Variants in FANCC observed in about 807,000 individuals in gnomAD.
FANCC encodes FA complementation group C.
A neutral mutation model predicts 71.3 loss-of-function variants in FANCC; 55 were observed. The ratio of observed to expected loss-of-function variants is 0.77; its 90% confidence interval spans 0.62 to 0.97. The LOEUF (loss-of-function observed/expected upper bound fraction) is 0.97, where lower values mean the gene tolerates loss of function less well. Among genes scored for constraint, FANCC ranks in the 50% least tolerant of loss-of-function variants. FANCC has a pLI of 0.00. For synonymous variants in FANCC, 275 were observed against 244.9 expected (o/e 1.12, Z -1.15); for missense variants, 678 against 670.9 (o/e 1.01, Z -0.12).
rs201407189 is a variant in FANCC at position 95,125,109 on chromosome 9, C to T, written c.973G>A (p.Ala325Thr). The T allele has an allele frequency of 2.6e-4, 419 of 1,614,180 alleles. 3 individuals are homozygous for T. In the East Asian group the frequency reaches 7.7e-3, roughly 30 times the overall value. Reference protein sequence around the residue: ...IQVFTQCFVEALEKASKQLRF... With the variant: ...IQVFTQCFVETLEKASKQLRF... ...ACCTGCTTGCTTGCTTTCTCCAGAG[C>T]TTCTACAAAGCACTGCGTAAACACC... Residue 325 changes from alanine (A) to threonine (T), a missense_variant, in exon 10 of 15, where the codon GCT (alanine) becomes ACT (threonine). Physicochemically the swap from Ala to Thr is moderately conservative, Grantham distance 58 (BLOSUM62 0). Transcript: ENST00000289081.
intron 4 of FANCC, among the ~76,000 whole-genome samples, chr9:95,205,895 G>A (rs977651184): frequency 6.6e-5 from 10 of 151,960 alleles, no homozygotes; most frequent in East Asian, 1.9e-4. Flanking sequence ...GGAAACAAGC[G>A]GTAAAAGTTA....
At chr9:95,110,552 T>A in intron 13 of FANCC, 1 of 1,032,292 alleles carries the variant, frequency 9.7e-7, no homozygotes. Flanking sequence ...CAAAATAAAT[T>A]ATCACCAAAT....
intron 13 of FANCC, chr9:95,110,504 G>T: frequency 9.7e-7 from 1 of 1,030,274 alleles, no homozygotes. Flanking sequence ...AAATACATAC[G>T]TGGGTTATAA....
intron 1 of FANCC, among the ~76,000 whole-genome samples, chr9:95,298,187 G>C (rs186019234): frequency 6.6e-6 from 1 of 152,230 alleles, no homozygotes; most frequent in Non-Finnish European, 1.5e-5. Context: ...GCTTATCAGG[G>C]AGAACACATA....
At chr9:95,128,097 G>A (rs1213860249) in intron 8 of FANCC, among the ~76,000 whole-genome samples, 13 of 152,150 alleles carry the variant, frequency 8.5e-5, no homozygotes, top group Admixed American at 3.3e-4. Flanking sequence ...AGGTTATTTC[G>A]TGGCTTCGAA....
intron 7 of FANCC, among the ~76,000 whole-genome samples, chr9:95,144,749 T>G (rs1477655349): frequency 6.6e-6 from 1 of 152,112 alleles, no homozygotes; most frequent in Non-Finnish European, 1.5e-5. Context: ...TTTTGAAAAA[T>G]CGCCGTGGAG....
chr9:95,171,257 T>C (rs181130494), intron 5 of FANCC, 114 bp from the exon 6 acceptor site: 5 of 784,246 alleles, frequency 6.4e-6, no homozygotes, highest in Non-Finnish European at 1.1e-5. Context: ...CCCCATCTTC[T>C]CATGTTTCAC....
intron 4 of FANCC, among the ~76,000 whole-genome samples, chr9:95,237,549 G>T (rs1335383012): frequency 6.6e-6 from 1 of 152,242 alleles, no homozygotes; most frequent in East Asian, 1.9e-4. Context: ...GCGGCCGCCT[G>T]CCACATGTGG....
At chr9:95,239,033 G>A (rs1055696978) in intron 4 of FANCC, among the ~76,000 whole-genome samples, 3 of 152,098 alleles carry the variant, frequency 2.0e-5, no homozygotes, top group Admixed American at 6.6e-5. Flanking sequence ...CCCTGAATAC[G>A]TTTGCTTTCT....
At chr9:95,250,977 T>C (rs1417620074) in intron 1 of FANCC, among the ~76,000 whole-genome samples, 1 of 152,204 alleles carries the variant, frequency 6.6e-6, no homozygotes, top group African/African-American at 2.4e-5. Context: ...TTGAAGACCC[T>C]GCAAAACATG....
chr9:95,292,833 T>C lies in FANCC; in HGVS notation c.-79+24693A>G, dbSNP rs377609319. On this transcript the variant is annotated intron_variant, in intron 1 of 14. Coordinates refer to ENST00000289081, the MANE Select transcript of FANCC (RefSeq NM_000136.3). ...AATCCATGCTGAGAAGAAGCACAAATGTAGCAAGTGCAGCAATTCGTACGG... is the reference window on the plus strand; with the variant it reads ...AATCCATGCTGAGAAGAAGCACAAACGTAGCAAGTGCAGCAATTCGTACGG... 85 of 1,584,390 alleles carry C rather than the reference T, an allele frequency of 5.4e-5. 1 individual carries two copies. The South Asian group carries it at 5.4e-4, about 10-fold the overall frequency.
rs1371672808 is a variant in FANCC, at chr9:95,101,206, T to C, written c.*501A>G. The C allele has an allele frequency of 7.8e-6, 2 of 256,070 alleles. No homozygotes were observed. The highest frequency in any genetic ancestry group is 1.5e-5 in the Non-Finnish European group (2 of 130,496). The allele number at this position is 256,070 out of a possible 1,614,324, so 15.9% of individuals were successfully genotyped here. On this transcript the variant is annotated 3_prime_UTR_variant, in exon 15 of 15. Coordinates refer to ENST00000289081, the MANE Select transcript of FANCC (RefSeq NM_000136.3). ...GACACAAGGGAAGCCTGAGGGACCCTGACTCCCCTTGAAGAATTTCTCCAT... is the reference window on the plus strand; with the variant it reads ...GACACAAGGGAAGCCTGAGGGACCCCGACTCCCCTTGAAGAATTTCTCCAT...
At chr9:95,189,533 G>T (rs1258881019) in intron 4 of FANCC, among the ~76,000 whole-genome samples, 1 of 152,094 alleles carries the variant, frequency 6.6e-6, no homozygotes, top group South Asian at 2.1e-4. Flanking sequence ...AGTTCCGGGG[G>T]GGGAAATAGA....
At chr9:95,285,116 CAT>C (rs1269581278) in intron 1 of FANCC, among the ~76,000 whole-genome samples, 1 of 151,768 alleles carries the variant, frequency 6.6e-6, no homozygotes, top group Non-Finnish European at 1.5e-5. Context: ...AAACCATAGA[CAT>C]GTAATAAATA....
chr9:95,125,604 C>T (rs1763273270), intron 9 of FANCC, among the ~76,000 whole-genome samples: 1 of 152,188 alleles, frequency 6.6e-6, no homozygotes, highest in African/African-American at 2.4e-5. Context: ...CCTGGTTTCG[C>T]TTCCATGCAT....
intron 1 of FANCC, among the ~76,000 whole-genome samples, chr9:95,311,392 TGAC>T (rs887961729): frequency 2.6e-5 from 4 of 151,766 alleles, no homozygotes; most frequent in African/African-American, 9.7e-5. Context: ...AAAAACAAAA[TGAC>T]AACAAAAAGG....
At chr9:95,119,203 A>G (rs375977328) in intron 10 of FANCC, among the ~76,000 whole-genome samples, 39 of 152,348 alleles carry the variant, frequency 2.6e-4, no homozygotes, top group African/African-American at 9.1e-4. Context: ...CTTTTTTGAA[A>G]GTATATATTC....
intron 1 of FANCC, among the ~76,000 whole-genome samples, chr9:95,307,416 T>C (rs918601613): frequency 6.6e-6 from 1 of 152,166 alleles, no homozygotes; most frequent in African/African-American, 2.4e-5. Context: ...TTATAAAGGG[T>C]ATACAGTATC....
intron 4 of FANCC, 140 bp from the exon 5 acceptor site, chr9:95,172,287 C>A (rs1449132533): frequency 1.6e-6 from 1 of 606,498 alleles, no homozygotes; most frequent in Non-Finnish European, 2.9e-6. Flanking sequence ...ACCCAATTTA[C>A]TTTGATTCAA....
Sources: gnomAD v4.1 joint callset for allele counts (sites outside exome capture counted in the v4.1 genomes callset) on GRCh38, gnomAD v4.1.1 for gene constraint, MANE v1.5 for transcripts, NCBI Gene and HGNC (gene_info 2026-07-23, HGNC 2026-07-21) for gene names.